UBE2E2: variants seen among roughly 807,000 people sequenced by gnomAD.
UBE2E2 encodes ubiquitin-conjugating enzyme E2 E2.
Under a neutral mutation model 24.7 loss-of-function variants are expected in UBE2E2, and 6 were observed. The observed-to-expected ratio is 0.24, with a 90% CI of 0.13 to 0.48. UBE2E2 has a LOEUF of 0.48. Among genes scored for constraint, UBE2E2 ranks in the 20% least tolerant of loss-of-function variants. UBE2E2 has a pLI of 0.99. For missense variants in UBE2E2, 169 were observed against 245.0 expected, an observed-to-expected ratio of 0.69 and a Z score of 2.07; for synonymous variants, 104 against 83.6, an observed-to-expected ratio of 1.24 and a Z score of -1.33.
chr3:23,515,433 T>C (rs17013390), intron 4 of UBE2E2, among the ~76,000 whole-genome samples: 4,382 of 152,192 alleles, frequency 0.029, 109 homozygotes, highest in East Asian at 0.13. Context: ...TGATGGATGA[T>C]AGAATTTCAA....
At chr3:23,412,559 A>G (rs1394353091) in intron 3 of UBE2E2, among the ~76,000 whole-genome samples, 5 of 152,142 alleles carry the variant, frequency 3.3e-5, no homozygotes, top group African/African-American at 9.7e-5. Flanking sequence ...ACAGGTTGGA[A>G]TGCCAGTTCT....
intron 3 of UBE2E2, among the ~76,000 whole-genome samples, chr3:23,392,219 C>G (rs535964219): frequency 6.6e-6 from 1 of 152,150 alleles, no homozygotes; most frequent in South Asian, 2.1e-4. Flanking sequence ...TATGGCCTAG[C>G]GAATAATATA....
intron 5 of UBE2E2, among the ~76,000 whole-genome samples, chr3:23,556,604 T>G (rs1459491813): frequency 6.6e-6 from 1 of 152,148 alleles, no homozygotes; most frequent in Non-Finnish European, 1.5e-5. Context: ...GGACATTTGT[T>G]AAGTCCTCCA....
chr3:23,548,319 C>T (rs1043562981), intron 5 of UBE2E2, among the ~76,000 whole-genome samples: 4 of 152,168 alleles, frequency 2.6e-5, no homozygotes, highest in Admixed American at 2.0e-4. Context: ...TTCCTATCAG[C>T]CCAGGGACTC....
intron 3 of UBE2E2, among the ~76,000 whole-genome samples, chr3:23,383,768 G>A (rs1358639475): frequency 6.6e-6 from 1 of 151,614 alleles, no homozygotes; most frequent in Non-Finnish European, 1.5e-5. Context: ...GAAGCTTGAT[G>A]ATATATACTT....
At chr3:23,574,293 A>G (rs1362871564) in intron 5 of UBE2E2, among the ~76,000 whole-genome samples, 1 of 152,210 alleles carries the variant, frequency 6.6e-6, no homozygotes, top group East Asian at 1.9e-4. Flanking sequence ...AGAAAGAATG[A>G]AAAAGACCTA....
chr3:23,549,836 C>T (rs1170594380), intron 5 of UBE2E2, among the ~76,000 whole-genome samples: 1 of 151,976 alleles, frequency 6.6e-6, no homozygotes, highest in Non-Finnish European at 1.5e-5. Flanking sequence ...AGTTTGAGAC[C>T]AGCCTGGCCA....
chr3:23,359,723 ATAAT>A (rs1696061469), intron 3 of UBE2E2, among the ~76,000 whole-genome samples: 2 of 152,036 alleles, frequency 1.3e-5, no homozygotes, highest in African/African-American at 4.8e-5. Context: ...TATTTTTTAT[ATAAT>A]TAATAATTTT....
intron 3 of UBE2E2, among the ~76,000 whole-genome samples, chr3:23,235,220 C>A (rs916097495): frequency 2.4e-4 from 36 of 152,078 alleles, no homozygotes; most frequent in African/African-American, 8.5e-4. Flanking sequence ...ATCATAATTG[C>A]TATGAAGAAA....
At chr3:23,316,726 C>T (rs956573125) in intron 3 of UBE2E2, among the ~76,000 whole-genome samples, 6 of 152,018 alleles carry the variant, frequency 3.9e-5, no homozygotes, top group East Asian at 1.9e-4. Context: ...AATGGTGGCA[C>T]GCCTCAGAGT....
intron 5 of UBE2E2, among the ~76,000 whole-genome samples, chr3:23,582,195 T>A (rs1188587677): frequency 6.6e-6 from 1 of 152,216 alleles, no homozygotes; most frequent in Non-Finnish European, 1.5e-5. Context: ...GATGATGGCC[T>A]CCAGCTCTAT....
chr3:23,372,258 A>AT (rs1323767187), intron 3 of UBE2E2, among the ~76,000 whole-genome samples: 10 of 152,120 alleles, frequency 6.6e-5, no homozygotes, highest in Non-Finnish European at 7.4e-5. Context: ...TCAGACTGGG[A>AT]TTTTTAAAAA....
chr3:23,285,151 T>A (rs565730714), intron 3 of UBE2E2, among the ~76,000 whole-genome samples: 226 of 152,246 alleles, frequency 1.5e-3, no homozygotes, highest in African/African-American at 5.1e-3. Context: ...TTTGCCTCAT[T>A]TATTTCACTT....
At chr3:23,444,688 T>C (rs1327809091) in intron 3 of UBE2E2, among the ~76,000 whole-genome samples, 2 of 152,230 alleles carry the variant, frequency 1.3e-5, no homozygotes, top group African/African-American at 4.8e-5. Flanking sequence ...AAGATGTCTC[T>C]TCAGCTGATA....
At chr3:23,290,889 TAAAAAAAAAA>T (rs71051209) in intron 3 of UBE2E2, among the ~76,000 whole-genome samples, 1 of 86,746 alleles carries the variant, frequency 1.2e-5, no homozygotes, top group Admixed American at 1.2e-4. Context: ...ACTGTGTGTC[TAAAAAAAAAA>T]AAAAAAAAAA....
intron 2 of UBE2E2, among the ~76,000 whole-genome samples, chr3:23,210,599 C>T (rs949221777): frequency 9.2e-5 from 14 of 152,126 alleles, no homozygotes; most frequent in African/African-American, 2.7e-4. Flanking sequence ...ATAGATTTCA[C>T]GAGGGAAAAA....
chr3:23,219,490 T>G (rs1344806930), intron 3 of UBE2E2, among the ~76,000 whole-genome samples: 1 of 152,206 alleles, frequency 6.6e-6, no homozygotes, highest in African/African-American at 2.4e-5. Context: ...CAGTGTTAGT[T>G]TGGCTTATTT....
chr3:23,576,954 C>T (rs1057008883), intron 5 of UBE2E2, among the ~76,000 whole-genome samples: 1 of 151,518 alleles, frequency 6.6e-6, no homozygotes, highest in Non-Finnish European at 1.5e-5. Flanking sequence ...AGGTTAGTAG[C>T]AAGCCCGTGT....
Position 23,582,894 on chromosome 3 carries a change from T to TGTGTGTGG in UBE2E2, c.509-6840_509-6839insGTGTGTGG, listed in dbSNP as rs1553622746. On this transcript the variant is annotated intron_variant, in intron 5 of 5. Transcript: ENST00000396703. ...GTGTGTGTGTGTGTGTGTGTGTGTG[T>TGTGTGTGG]TGTGTGTTTGTTTGCTGTGCAGACT... Among the ~76,000 whole-genome samples, 965 of 112,964 alleles carry TGTGTGTGG rather than the reference T, an allele frequency of 8.5e-3. 4 individuals are homozygous for TGTGTGTGG. The highest frequency in any genetic ancestry group is 0.013 in the African/African-American group (353 of 26,958). The allele number at this position is 112,964 out of a possible 152,430, so 74.1% of individuals were successfully genotyped here.
Sources: gnomAD v4.1 joint callset for allele counts (sites outside exome capture counted in the v4.1 genomes callset) on GRCh38, gnomAD v4.1.1 for gene constraint, MANE v1.5 for transcripts, NCBI Gene and HGNC (gene_info 2026-07-23, HGNC 2026-07-21) for gene names.